Variants in LPP observed in about 807,000 individuals in gnomAD.
The protein encoded by LPP is lipoma-preferred partner.
In LPP, 38 loss-of-function variants were observed where a neutral mutation model predicts 60.4. The observed-to-expected ratio is 0.63, with a 90% CI of 0.49 to 0.83. The LOEUF is 0.83. Among genes scored for constraint, LPP ranks in the 40% least tolerant of loss-of-function variants. LPP has a pLI of 0.00. For missense variants in LPP, 902 were observed against 783.6 expected, an observed-to-expected ratio of 1.15 and a Z score of -1.80; for synonymous variants, 328 against 290.8, an observed-to-expected ratio of 1.13 and a Z score of -1.30.
intron 9 of LPP, among the ~76,000 whole-genome samples, chr3:188,858,761 A>T (rs1764426474): frequency 6.6e-6 from 1 of 152,092 alleles, no homozygotes; most frequent in Admixed American, 6.6e-5. Context: ...TTTTATTTTG[A>T]TAGTAACACA....
intron 3 of LPP, among the ~76,000 whole-genome samples, chr3:188,404,501 T>A (rs1782967075): frequency 6.6e-6 from 1 of 152,176 alleles, no homozygotes; most frequent in African/African-American, 2.4e-5. Context: ...TGCCTTGGCC[T>A]CCAAAGTGCT....
chr3:188,373,179 G>C (rs527918572), intron 3 of LPP, among the ~76,000 whole-genome samples: 9 of 152,306 alleles, frequency 5.9e-5, no homozygotes, highest in South Asian at 2.1e-4. Context: ...GTGTGCATGT[G>C]TCTTTATAGC....
At chr3:188,473,427 G>T (rs1400639250) in intron 4 of LPP, among the ~76,000 whole-genome samples, 1 of 152,208 alleles carries the variant, frequency 6.6e-6, no homozygotes, top group Admixed American at 6.5e-5. Context: ...AGAGAGAGTT[G>T]TTCAATCTTT....
At chr3:188,313,605 C>T (rs993365784) in intron 2 of LPP, among the ~76,000 whole-genome samples, 2 of 150,584 alleles carry the variant, frequency 1.3e-5, no homozygotes, top group African/African-American at 2.4e-5. Context: ...CCACTGCACT[C>T]CAGCCTGGGT....
At chr3:188,283,313 T>G (rs1331887599) in intron 2 of LPP, among the ~76,000 whole-genome samples, 1 of 152,216 alleles carries the variant, frequency 6.6e-6, no homozygotes, top group Middle Eastern at 3.2e-3. Flanking sequence ...ATTATTAATC[T>G]TCTTGAAGAA....
At chr3:188,702,964 G>A (rs139009092) in intron 7 of LPP, among the ~76,000 whole-genome samples, 97 of 152,164 alleles carry the variant, frequency 6.4e-4, no homozygotes, top group African/African-American at 2.1e-3. Flanking sequence ...CAGTTTCAAC[G>A]TTCTGCTGTT....
At chr3:188,191,639 A>C (rs1232639432) in intron 1 of LPP, among the ~76,000 whole-genome samples, 3 of 152,198 alleles carry the variant, frequency 2.0e-5, no homozygotes, top group Non-Finnish European at 4.4e-5. Flanking sequence ...CCAGTGAGCA[A>C]ACACTCACTG....
At chr3:188,856,438 G>C (rs776292541) in intron 9 of LPP, among the ~76,000 whole-genome samples, 3 of 152,198 alleles carry the variant, frequency 2.0e-5, no homozygotes, top group Admixed American at 6.5e-5. Context: ...AGTTGGCTCA[G>C]TTGATTAGTC....
chr3:188,822,749 G>GGAA (rs1220310573), intron 9 of LPP, among the ~76,000 whole-genome samples: 1 of 152,146 alleles, frequency 6.6e-6, no homozygotes, highest in African/African-American at 2.4e-5. Flanking sequence ...TTTGTTGAAT[G>GGAA]GAAGAAGCAG....
At chr3:188,228,754 C>G (rs889329067) in intron 2 of LPP, among the ~76,000 whole-genome samples, 9 of 152,242 alleles carry the variant, frequency 5.9e-5, no homozygotes, top group African/African-American at 1.7e-4. Flanking sequence ...GATGTGCAAC[C>G]CTAGAAAAAC....
In LPP at chr3:188,607,116, G is replaced by GACACAC. The variant is rs34057522; in HGVS notation, c.430-2000_430-1995dup. On this transcript the variant is annotated intron_variant, in intron 6 of 11. Coordinates refer to ENST00000617246, the MANE Select transcript of LPP (RefSeq NM_001375462.1). ...TTCTTTCAGTCTCTTTCTTGGTGAA[G>GACACAC]ACACACACACACACACACACACACA... is the stretch of plus-strand genomic sequence containing the variant. 2.1e-3 allele frequency among the ~76,000 whole-genome samples: 274 copies of GACACAC among 129,588 alleles called. 1 individual carries two copies. Among genetic ancestry groups the GACACAC allele is most frequent in the Non-Finnish European group, 2.6e-3 (160 of 62,060 alleles). 85.0% of individuals were successfully genotyped at this position (129,588 alleles called of 152,430 possible).
intron 2 of LPP, among the ~76,000 whole-genome samples, chr3:188,259,139 A>T (rs1455402596): frequency 1.3e-5 from 2 of 150,922 alleles, no homozygotes; most frequent in Non-Finnish European, 2.9e-5. Context: ...TGGCTTGTTT[A>T]TACTAGCTTG....
chr3:188,763,883 A>G (rs1233145674), intron 9 of LPP, among the ~76,000 whole-genome samples: 2 of 152,078 alleles, frequency 1.3e-5, no homozygotes. Flanking sequence ...TTTAATCTGG[A>G]GGACTTTTGC....
chr3:188,463,748 G>A (rs893252383), intron 4 of LPP, among the ~76,000 whole-genome samples: 6 of 152,146 alleles, frequency 3.9e-5, no homozygotes, highest in Non-Finnish European at 7.3e-5. Context: ...TATCCAGCTC[G>A]TTTGTTAATT....
At chr3:188,859,645 G>C (rs779585511) in intron 9 of LPP, among the ~76,000 whole-genome samples, 5 of 152,166 alleles carry the variant, frequency 3.3e-5, no homozygotes, top group African/African-American at 1.2e-4. Flanking sequence ...AGGCAGCTCT[G>C]CTCTTTAGAG....
intron 1 of LPP, among the ~76,000 whole-genome samples, chr3:188,154,526 C>T (rs1020501987): frequency 6.6e-6 from 1 of 152,102 alleles, no homozygotes; most frequent in Non-Finnish European, 1.5e-5. Context: ...TTCTGGGCGC[C>T]CAGGGGGCGG....
rs553551535 is a variant in LPP at position 188,809,999 on chromosome 3, G to T, written c.1410+49717G>T. On this transcript the variant is annotated intron_variant, in intron 9 of 11. Transcript: ENST00000617246. ...GAAGATCAGATGGTTGTAGATGTGT[G>T]GTGTAAATTCTGAGGTCTCTGCTCT... 7.9e-5 allele frequency among the ~76,000 whole-genome samples: 12 copies of T among 152,142 alleles called. No individual in the cohort carries two copies. In the South Asian group the frequency reaches 2.5e-3, roughly 32 times the overall value.
chr3:188,519,977 C>G (rs6806091), intron 5 of LPP, among the ~76,000 whole-genome samples: 98,632 of 151,964 alleles, frequency 0.65, 35,461 homozygotes, highest in East Asian at 0.82. Context: ...AAATCAGACT[C>G]TTGATAATGG....
intron 4 of LPP, among the ~76,000 whole-genome samples, chr3:188,478,955 T>A (rs1159758791): frequency 1.3e-5 from 2 of 152,104 alleles, no homozygotes; most frequent in Admixed American, 1.3e-4. Flanking sequence ...GGTTTCACTC[T>A]GTTGCCCAGG....
Sources: allele counts gnomAD v4.1 joint callset (sites outside exome capture counted in the v4.1 genomes callset), GRCh38; gene constraint gnomAD v4.1.1; transcripts MANE v1.5; gene names NCBI Gene and HGNC (gene_info 2026-07-23, HGNC 2026-07-21).